HHAT: variants seen among roughly 807,000 people sequenced by gnomAD.
HHAT encodes the protein protein-cysteine N-palmitoyltransferase HHAT.
Under a neutral mutation model 70.8 loss-of-function variants are expected in HHAT, and 47 were observed. The ratio of observed to expected loss-of-function variants is 0.66; its 90% CI spans 0.53 to 0.85. HHAT has a LOEUF of 0.85. HHAT is among the 40% of genes least tolerant of loss of function. The pLI is 0.00. For synonymous variants in HHAT, 228 were observed against 247.6 expected (o/e 0.92, Z 0.74); for missense variants, 609 against 604.8 (o/e 1.01, Z -0.07).
At chr1:210,544,616 G>A (rs140786238) in intron 9 of HHAT, among the ~76,000 whole-genome samples, 371 of 151,838 alleles carry the variant, frequency 2.4e-3, no homozygotes, top group African/African-American at 8.3e-3. Flanking sequence ...CAGGTGATCC[G>A]CCCTCCTCAG....
chr1:210,453,532 C>T (rs919793490), intron 7 of HHAT, among the ~76,000 whole-genome samples: 8 of 152,130 alleles, frequency 5.3e-5, no homozygotes, highest in Non-Finnish European at 2.9e-5. Flanking sequence ...CCCTTTCCCC[C>T]TTTCTCTCCT....
At chr1:210,382,632 A>G (rs2090725713) in intron 3 of HHAT, among the ~76,000 whole-genome samples, 1 of 152,202 alleles carries the variant, frequency 6.6e-6, no homozygotes, top group Admixed American at 6.5e-5. Context: ...TAGAATTGAG[A>G]TGTGGATGAC....
intron 8 of HHAT, among the ~76,000 whole-genome samples, chr1:210,467,052 G>A (rs143022765): frequency 6.6e-6 from 1 of 152,250 alleles, no homozygotes; most frequent in African/African-American, 2.4e-5. Flanking sequence ...TAACAAAGAG[G>A]GCCTTTCCTG....
At chr1:210,394,210 T>C (rs543389289) in intron 4 of HHAT, among the ~76,000 whole-genome samples, 1 of 148,382 alleles carries the variant, frequency 6.7e-6, no homozygotes, top group Admixed American at 6.7e-5. Context: ...TTATTTTTAT[T>C]TTCAAAAGCA....
chr1:210,466,842 C>A (rs1401710738), intron 8 of HHAT, among the ~76,000 whole-genome samples: 1 of 152,160 alleles, frequency 6.6e-6, no homozygotes, highest in East Asian at 1.9e-4. Context: ...TCTGTCAAGA[C>A]CTTTGTCACT....
At chr1:210,472,133 G>A (rs965548345) in intron 8 of HHAT, among the ~76,000 whole-genome samples, 3 of 152,144 alleles carry the variant, frequency 2.0e-5, no homozygotes, top group Non-Finnish European at 4.4e-5. Context: ...CTTTGAAAAT[G>A]TCTGTCCCTG....
At chr1:210,505,203 T>A (rs2148558304) in intron 8 of HHAT, among the ~76,000 whole-genome samples, 1 of 152,262 alleles carries the variant, frequency 6.6e-6, no homozygotes, top group African/African-American at 2.4e-5. Context: ...CTGGCCCAAC[T>A]TTTTATTCTT....
chr1:210,450,495 T>A (rs571999833), intron 7 of HHAT, among the ~76,000 whole-genome samples: 62 of 152,000 alleles, frequency 4.1e-4, no homozygotes, highest in Non-Finnish European at 7.4e-4. Flanking sequence ...TTGTATCTTA[T>A]TTTTAAAAAA....
At chr1:210,474,385 G>A (rs1398146323) in intron 8 of HHAT, among the ~76,000 whole-genome samples, 2 of 152,138 alleles carry the variant, frequency 1.3e-5, no homozygotes, top group African/African-American at 2.4e-5. Flanking sequence ...CCACCTTCTG[G>A]GCTCAGGTGG....
At chr1:210,615,552 C>G (rs1271766197) in intron 10 of HHAT, among the ~76,000 whole-genome samples, 1 of 152,160 alleles carries the variant, frequency 6.6e-6, no homozygotes, top group African/African-American at 2.4e-5. Context: ...TCTGTTTTTT[C>G]CCCATCTTTG....
At chr1:210,477,702 T>C (rs574853682) in intron 8 of HHAT, among the ~76,000 whole-genome samples, 1 of 152,146 alleles carries the variant, frequency 6.6e-6, no homozygotes. Flanking sequence ...AAAATATACA[T>C]CGTGGGTATC....
At chr1:210,529,149 A>G (rs184337094) in intron 9 of HHAT, among the ~76,000 whole-genome samples, 208 of 152,152 alleles carry the variant, frequency 1.4e-3, no homozygotes, top group African/African-American at 4.9e-3. Context: ...TACTGAAAAA[A>G]CAAAAATTAG....
intron 11 of HHAT, among the ~76,000 whole-genome samples, chr1:210,660,978 A>T (rs1161701089): frequency 6.6e-6 from 1 of 152,218 alleles, no homozygotes. Context: ...AAGAAAACCT[A>T]GGCAATACCA....
intron 9 of HHAT, among the ~76,000 whole-genome samples, chr1:210,587,329 T>G (rs1660680751): frequency 6.6e-6 from 1 of 152,166 alleles, no homozygotes; most frequent in South Asian, 2.1e-4. Flanking sequence ...GGAGAGCATG[T>G]GCAGGGGAAC....
At chr1:210,634,261 T>C (rs1375288491) in intron 11 of HHAT, among the ~76,000 whole-genome samples, 1 of 152,168 alleles carries the variant, frequency 6.6e-6, no homozygotes, top group Admixed American at 6.5e-5. Flanking sequence ...GTTTCTGGCC[T>C]GCTTGGGGGA....
chr1:210,617,527 C>T (rs1667987928), intron 10 of HHAT, among the ~76,000 whole-genome samples: 1 of 152,154 alleles, frequency 6.6e-6, no homozygotes, highest in Non-Finnish European at 1.5e-5. Context: ...GGTACTATTG[C>T]TCAATCTGGA....
At chr1:210,583,023 C>T (rs1235139711) in intron 9 of HHAT, among the ~76,000 whole-genome samples, 1 of 152,164 alleles carries the variant, frequency 6.6e-6, no homozygotes, top group Non-Finnish European at 1.5e-5. Flanking sequence ...AGTGAAAGCA[C>T]CCAGCCCTGG....
chr1:210,667,071 C>T (rs1257270233), intron 11 of HHAT, among the ~76,000 whole-genome samples: 1 of 133,912 alleles, frequency 7.5e-6, no homozygotes, highest in South Asian at 2.4e-4. Context: ...CAGAGCAAAA[C>T]ATCTCAAAAA....
intron 9 of HHAT, among the ~76,000 whole-genome samples, chr1:210,585,357 T>TA (rs569006869): frequency 1.3e-4 from 19 of 150,256 alleles, no homozygotes; most frequent in East Asian, 5.8e-4. Flanking sequence ...GTTGAAGCAG[T>TA]AAAAAAAAAA....
Sources: gnomAD v4.1 joint callset for allele counts (sites outside exome capture counted in the v4.1 genomes callset) on GRCh38, gnomAD v4.1.1 for gene constraint, MANE v1.5 for transcripts, NCBI Gene and HGNC (gene_info 2026-07-23, HGNC 2026-07-21) for gene names.